Variants in KRT86 observed in about 807,000 individuals in gnomAD.
KRT86 encodes the protein keratin, type II cuticular Hb6.
Under a neutral mutation model 41.2 loss-of-function variants are expected in KRT86, and 30 were observed. The observed-to-expected ratio is 0.73, with a 90% CI of 0.54 to 0.99. The LOEUF is 0.99. KRT86 is among the 50% of genes least tolerant of loss of function. KRT86 has a pLI of 0.00. For missense variants in KRT86, 561 were observed against 571.4 expected (o/e 0.98, Z 0.19); for synonymous variants, 238 against 238.1 (o/e 1.00, Z 0.00).
At chr12:52,291,588 C>CT in intron 2 of KRT86, 2 of 1,456,254 alleles carry the variant, frequency 1.4e-6, no homozygotes, top group Non-Finnish European at 1.9e-6. Flanking sequence ...AGGGGCTTGG[C>CT]TGTGAAGATG....
intron 2 of KRT86, among the ~76,000 whole-genome samples, chr12:52,301,132 G>A (rs1938362449): frequency 6.6e-6 from 1 of 151,862 alleles, no homozygotes; most frequent in Admixed American, 6.6e-5. Flanking sequence ...GCATGTGAAA[G>A]CATTGTGTGT....
At chr12:52,293,895 A>T (rs1190924409) in intron 2 of KRT86, among the ~76,000 whole-genome samples, 1 of 152,194 alleles carries the variant, frequency 6.6e-6, no homozygotes, top group Admixed American at 6.5e-5. Flanking sequence ...AAAGGCAGGC[A>T]GAGTAGACTT....
At chr12:52,287,148 T>C in intron 2 of KRT86, 1 of 1,613,518 alleles carries the variant, frequency 6.2e-7, no homozygotes, top group Non-Finnish European at 8.5e-7. Flanking sequence ...GCGATCTCGA[T>C]GTCCAGGCCC....
In KRT86 at chr12:52,305,006, C is replaced by G; in HGVS notation, c.714C>G (p.Phe238Leu). The change falls in exon 6 of 11, where the codon TTC becomes TTG. Residue 238 changes from phenylalanine (F) to leucine (L), a missense_variant. By Grantham distance (22) the Phe-to-Leu change is conservative (BLOSUM62 0). This residue lies in a region of KRT86 where 397 missense variants were observed against 375.9 expected (regional missense o/e 1.06). Transcript: ENST00000423955. ...AGGCCCTGATCCAGGAGATCGACTT[C>G]CTGAGGCGGCTGTATGAGGAGGTGC... is the stretch of plus-strand genomic sequence containing the variant. ...NVEALIQEID[F>L]LRRLYEEEIR... 1.2e-6 allele frequency: 2 copies of G among 1,614,106 alleles called. No homozygotes were observed. The highest frequency in any genetic ancestry group is 1.7e-6 in the Non-Finnish European group (2 of 1,180,000).
intron 2 of KRT86, among the ~76,000 whole-genome samples, chr12:52,284,121 G>A (rs181242675): frequency 1.3e-5 from 2 of 152,322 alleles, no homozygotes; most frequent in East Asian, 3.9e-4. Context: ...CTGAACTAGG[G>A]AGGGATGGAG....
intron 2 of KRT86, among the ~76,000 whole-genome samples, chr12:52,298,755 T>C (rs561874408): frequency 6.6e-6 from 1 of 152,386 alleles, no homozygotes; most frequent in South Asian, 2.1e-4. Context: ...TGAGTCTGTG[T>C]GCTTAACTAA....
chr12:52,297,050 C>T (rs1938267846), intron 2 of KRT86, among the ~76,000 whole-genome samples: 1 of 152,216 alleles, frequency 6.6e-6, no homozygotes, highest in South Asian at 2.1e-4. Flanking sequence ...CACAGGATCA[C>T]CTGTTGTCCA....
At chr12:52,301,532 CCG>C (rs1369017903) in intron 2 of KRT86, among the ~76,000 whole-genome samples, 3 of 152,122 alleles carry the variant, frequency 2.0e-5, no homozygotes, top group African/African-American at 7.3e-5. Flanking sequence ...AGCAGCAGCC[CCG>C]CCCCTTCCCT....
chr12:52,306,562 C>G (rs1427523740), intron 9 of KRT86: 1 of 566,380 alleles, frequency 1.8e-6, no homozygotes, highest in Non-Finnish European at 3.1e-6. Flanking sequence ...GGCTTGGGGT[C>G]AGCTTGCCTG....
Position 52,308,347 on chromosome 12 carries a change from C to T in KRT86, c.1280-57C>T, listed in dbSNP as rs116737985. 2.5e-3 allele frequency: 4,020 copies of T among 1,612,426 alleles called. 103 individuals carry two copies. The African/African-American group carries it at 0.048, about 19-fold the overall frequency. The stretch of plus-strand genomic sequence containing the variant: ...AAGGGCGCGTGGGCTCGCAGCAAAG[C>T]CACTCACCCAGGTCGCGGCTGCGCC... On this transcript the variant is annotated intron_variant, in intron 10 of 10. Transcript: ENST00000423955.
Position 52,301,966 on chromosome 12 carries a change from C to T in KRT86, c.50C>T (p.Ala17Val), listed in dbSNP as rs1938390526. The T allele has an allele frequency of 6.2e-7, 1 of 1,613,646 alleles. No homozygotes were observed. The highest frequency in any genetic ancestry group is 8.5e-7 in the Non-Finnish European group (1 of 1,179,796). Reference protein sequence around the residue: ...CGGRAFSCISACGPRPGRCCI... With the variant: ...CGGRAFSCISVCGPRPGRCCI... ...GGCCGCGCCTTCAGCTGCATCTCGG[C>T]CTGCGGGCCCCGGCCCGGCCGCTGC... The change falls in exon 3 of 11, where the codon GCC (alanine) becomes GTC (valine). Residue 17 changes from alanine (A) to valine (V), a missense_variant. Physicochemically the swap from Ala to Val is moderately conservative, Grantham distance 64. This residue lies in a region of KRT86 where 164 missense variants were observed against 172.5 expected (regional missense o/e 0.95). Transcript: ENST00000423955.
Position 52,286,406 on chromosome 12 carries a change from G to A in KRT86, c.-5+10460G>A, listed in dbSNP as rs114447073. ...GCTCACCGCCACGTTCCCGTTGCACGGAGCGCTGCAGACACTGCCAGTCAC... is the reference window on the plus strand; with the variant it reads ...GCTCACCGCCACGTTCCCGTTGCACAGAGCGCTGCAGACACTGCCAGTCAC... On this transcript the variant is annotated intron_variant, in intron 2 of 10. Transcript: ENST00000423955. The A allele has an allele frequency of 7.3e-4, 1,134 of 1,554,582 alleles. 9 individuals carry two copies. The African/African-American group carries it at 0.014, about 19-fold the overall frequency.
chr12:52,277,066 A>G (rs1937649831), intron 2 of KRT86, among the ~76,000 whole-genome samples: 1 of 152,132 alleles, frequency 6.6e-6, no homozygotes, highest in South Asian at 2.1e-4. Context: ...AGCAGCAAAT[A>G]CACTTCACCA....
intron 2 of KRT86, among the ~76,000 whole-genome samples, chr12:52,294,351 A>G (rs879432353): frequency 2.6e-5 from 4 of 152,274 alleles, no homozygotes; most frequent in Non-Finnish European, 5.9e-5. Flanking sequence ...TAAAGATGTA[A>G]GAATATGAAA....
chr12:52,297,073 G>C (rs184306061), intron 2 of KRT86, among the ~76,000 whole-genome samples: 96 of 152,336 alleles, frequency 6.3e-4, no homozygotes, highest in Non-Finnish European at 9.0e-4. Context: ...CACTAGCCCT[G>C]TCTCATTGTC....
rs1592439799 is a variant in KRT86, at chr12:52,305,790, T to G, written c.1026+2T>G. On this transcript the variant is annotated splice_donor_variant, in intron 8 of 10. Coordinates refer to ENST00000423955, the MANE Select transcript of KRT86 (RefSeq NM_001320198.2). LOFTEE classifies it high-confidence loss of function. ...GAGGTGGAGAATGCCAAGTGCCAGG[T>G]ATGGGGCATCTGTGCCCAAGGTCAG... The G allele has an allele frequency of 6.2e-7, 1 of 1,613,886 alleles. No individual in the cohort carries two copies.
At chr12:52,281,314 T>C (rs949391) in intron 2 of KRT86, among the ~76,000 whole-genome samples, 40,300 of 152,178 alleles carry the variant, frequency 0.26, 6,035 homozygotes, top group East Asian at 0.4. Context: ...CACACTCCGT[T>C]GTATTTAAAC....
intron 9 of KRT86, 68 bp from the exon 10 acceptor site, chr12:52,308,165 C>G: frequency 6.2e-7 from 1 of 1,606,110 alleles, no homozygotes. Context: ...AGATGTCCCC[C>G]TCCACTTCAG....
intron 2 of KRT86, among the ~76,000 whole-genome samples, chr12:52,292,811 C>CG (rs1360925286): frequency 6.6e-6 from 1 of 152,140 alleles, no homozygotes; most frequent in African/African-American, 2.4e-5. Context: ...TATATCACCC[C>CG]AGGAAGCATA....
Sources: allele counts gnomAD v4.1 joint callset (sites outside exome capture counted in the v4.1 genomes callset), GRCh38; gene constraint gnomAD v4.1.1; regional missense constraint gnomAD v4.1.1; transcripts MANE v1.5; gene names NCBI Gene and HGNC (gene_info 2026-07-23, HGNC 2026-07-21).